Variants in CDH12 observed in about 807,000 individuals in gnomAD.
CDH12 encodes the protein cadherin 12.
In CDH12, 41 loss-of-function variants were observed where a neutral mutation model predicts 74.1. That is an observed-to-expected ratio of 0.55 (90% CI 0.43 to 0.72). The LOEUF (loss-of-function observed/expected upper bound fraction) is 0.72, where lower values mean the gene tolerates loss of function less well. CDH12 is among the 30% of genes least tolerant of loss of function. CDH12 has a pLI of 0.00. For missense variants in CDH12, 945 were observed against 977.2 expected (o/e 0.97, Z 0.44); for synonymous variants, 399 against 355.0 (o/e 1.12, Z -1.39).
At chr5:21,769,146 C>T (rs1745184073) in intron 11 of CDH12, among the ~76,000 whole-genome samples, 1 of 151,970 alleles carries the variant, frequency 6.6e-6, no homozygotes, top group Admixed American at 6.6e-5. Context: ...CTGTGAGAAA[C>T]TAATATCACG....
chr5:22,493,974 G>C (rs1236450172), intron 2 of CDH12, among the ~76,000 whole-genome samples: 1 of 152,138 alleles, frequency 6.6e-6, no homozygotes, highest in Non-Finnish European at 1.5e-5. Context: ...GGTTGGGGGA[G>C]GCAGTGTTCA....
At chr5:21,801,555 AGT>A (rs1394536032) in intron 10 of CDH12, among the ~76,000 whole-genome samples, 1 of 152,154 alleles carries the variant, frequency 6.6e-6, no homozygotes, top group East Asian at 1.9e-4. Context: ...GTTGAGAGAG[AGT>A]GACAGTGGGA....
rs371285182 is a variant in CDH12 at position 21,975,234 on chromosome 5, C to T, written c.383G>A (p.Arg128His). Residue 128 changes from arginine (R) to histidine (H), a missense_variant, in exon 6 of 15, where the codon CGT (arginine) becomes CAT (histidine). By Grantham distance (29) the Arg-to-His change is conservative (BLOSUM62 0). Transcript: ENST00000382254. The part of the protein sequence containing the change: ...DREEKPFYTL[R>H]AQAVDIETRK... ...GGTTTCTATGTCCACAGCCTGAGCA[C>T]GAAGAGTGTAGAAAGGTTTCTCTTC... 19 of 1,597,152 alleles carry T rather than the reference C, an allele frequency of 1.2e-5. No homozygotes were observed. Among genetic ancestry groups the T allele is most frequent in the African/African-American group, 6.7e-5 (5 of 74,798 alleles).
chr5:22,726,275 A>G (rs909326559), intron 1 of CDH12, among the ~76,000 whole-genome samples: 1 of 151,744 alleles, frequency 6.6e-6, no homozygotes, highest in Admixed American at 6.6e-5. Flanking sequence ...CTGGAATGTC[A>G]TATGGTTGGA....
intron 1 of CDH12, among the ~76,000 whole-genome samples, chr5:22,768,527 G>A (rs2127066638): frequency 6.6e-6 from 1 of 152,114 alleles, no homozygotes; most frequent in South Asian, 2.1e-4. Flanking sequence ...CACAGTTGTA[G>A]AGTAAGTAAA....
At chr5:22,497,866 C>T (rs1747168456) in intron 2 of CDH12, among the ~76,000 whole-genome samples, 2 of 151,752 alleles carry the variant, frequency 1.3e-5, no homozygotes, top group South Asian at 4.2e-4. Flanking sequence ...TGGTCTCAAA[C>T]TCCTGACCTC....
chr5:21,973,340 C>G lies in CDH12; in HGVS notation c.526+1751G>C, dbSNP rs1381992669. Among the ~76,000 whole-genome samples the G allele has an allele frequency of 2.6e-5, 4 of 152,154 alleles. No individual in the cohort carries two copies. The East Asian group carries it at 7.7e-4, about 29-fold the overall frequency. ...AAAACACTTTAAGAACCTATTCTTC[C>G]AAAGATCTTTCCAGTATCTTATGAC... On this transcript the variant is annotated intron_variant, in intron 6 of 14. Coordinates refer to ENST00000382254, the MANE Select transcript of CDH12 (RefSeq NM_004061.5).
At position 22,756,504 on chromosome 5, in the gene CDH12, G is replaced by A. The variant is rs543777272; in HGVS notation, c.-523+96554C>T. Among the ~76,000 whole-genome samples the A allele has an allele frequency of 3.9e-5, 6 of 152,116 alleles. No homozygotes were observed. The East Asian group carries it at 1.2e-3, about 29-fold the overall frequency. On this transcript the variant is annotated intron_variant, in intron 1 of 14. Transcript: ENST00000382254. Reference sequence around the variant, plus strand: ...ACATTTGTGAAGAATATTAAAAAGAGAATATTTCAAAAGACTTATTTTGTT... The same window carrying A: ...ACATTTGTGAAGAATATTAAAAAGAAAATATTTCAAAAGACTTATTTTGTT...
intron 1 of CDH12, among the ~76,000 whole-genome samples, chr5:22,583,490 T>G (rs1044795941): frequency 6.6e-6 from 1 of 152,184 alleles, no homozygotes; most frequent in Admixed American, 6.5e-5. Context: ...ACGACTATGG[T>G]GAATTTGCTA....
intron 1 of CDH12, among the ~76,000 whole-genome samples, chr5:22,619,726 C>T (rs2126837991): frequency 6.7e-6 from 1 of 149,408 alleles, no homozygotes; most frequent in Non-Finnish European, 1.5e-5. Context: ...TTTATATTTT[C>T]TAAACAAAAA....
intron 3 of CDH12, among the ~76,000 whole-genome samples, chr5:22,242,168 A>T (rs1461143224): frequency 6.6e-6 from 1 of 152,186 alleles, no homozygotes; most frequent in Non-Finnish European, 1.5e-5. Context: ...TATTTGCACT[A>T]AATATTAATC....
intron 6 of CDH12, among the ~76,000 whole-genome samples, chr5:21,897,224 G>T (rs1311307041): frequency 6.6e-6 from 1 of 152,072 alleles, no homozygotes; most frequent in Non-Finnish European, 1.5e-5. Context: ...TTACAAATCT[G>T]GTTGACAGAA....
At chr5:22,739,217 A>G (rs769385225) in intron 1 of CDH12, among the ~76,000 whole-genome samples, 2 of 152,024 alleles carry the variant, frequency 1.3e-5, no homozygotes, top group Non-Finnish European at 2.9e-5. Flanking sequence ...TCAATGTGTA[A>G]AAAGGAAAGA....
At chr5:22,604,081 G>A (rs1164906354) in intron 1 of CDH12, among the ~76,000 whole-genome samples, 2 of 152,180 alleles carry the variant, frequency 1.3e-5, no homozygotes, top group Non-Finnish European at 2.9e-5. Flanking sequence ...TGAGATGGAA[G>A]GAAGAATATG....
At chr5:21,971,099 G>A (rs528592585) in intron 6 of CDH12, among the ~76,000 whole-genome samples, 1 of 151,660 alleles carries the variant, frequency 6.6e-6, no homozygotes, top group Non-Finnish European at 1.5e-5. Flanking sequence ...TTAAGATATT[G>A]AATGAAAGAT....
intron 4 of CDH12, among the ~76,000 whole-genome samples, chr5:22,156,908 C>T (rs1748052687): frequency 6.6e-6 from 1 of 152,158 alleles, no homozygotes; most frequent in Non-Finnish European, 1.5e-5. Context: ...TGTGACCCTA[C>T]TGAATGTTTC....
chr5:22,823,803 G>A (rs1275163090), intron 1 of CDH12, among the ~76,000 whole-genome samples: 2 of 152,078 alleles, frequency 1.3e-5, no homozygotes, highest in Non-Finnish European at 2.9e-5. Flanking sequence ...TGCCATGTAA[G>A]ACATGCCTGC....
chr5:21,843,349 A>T (rs1046344751), intron 7 of CDH12, among the ~76,000 whole-genome samples: 8 of 152,116 alleles, frequency 5.3e-5, no homozygotes, highest in African/African-American at 1.9e-4. Flanking sequence ...CAAATCATAA[A>T]CCCAACATAC....
chr5:21,938,746 A>ATATC (rs1254426561), intron 6 of CDH12, among the ~76,000 whole-genome samples: 1 of 138,408 alleles, frequency 7.2e-6, no homozygotes, highest in African/African-American at 2.9e-5. Context: ...ATATATATAT[A>ATATC]TATCTTCTAC....
Sources: gnomAD v4.1 joint callset for allele counts (sites outside exome capture counted in the v4.1 genomes callset) on GRCh38, gnomAD v4.1.1 for gene constraint, MANE v1.5 for transcripts, NCBI Gene and HGNC (gene_info 2026-07-23, HGNC 2026-07-21) for gene names.